TICRR: variants seen among roughly 807,000 people sequenced by gnomAD.
The protein encoded by TICRR is TOPBP1 interacting checkpoint and replication regulator, also known as treslin.
TICRR carries 132 observed loss-of-function variants against 178.1 expected under a neutral mutation model. That is an observed-to-expected ratio of 0.74 (90% CI 0.64 to 0.86). The LOEUF (loss-of-function observed/expected upper bound fraction) is 0.86. Among genes scored for constraint, TICRR ranks in the 40% least tolerant of loss-of-function variants. The pLI is 0.00. For missense variants in TICRR, 2,587 were observed against 2,334.3 expected (o/e 1.11, Z -2.23); for synonymous variants, 991 against 900.7 (o/e 1.10, Z -1.79).
At chr15:89,621,622 G>A in intron 19 of TICRR, 72 bp downstream of exon 19, 1 of 1,320,784 alleles carries the variant, frequency 7.6e-7, no homozygotes, top group Non-Finnish European at 1.0e-6. Context: ...GGAACTCAGA[G>A]TCCATTAGGG....
At chr15:89,595,812 G>A (rs182525074) in intron 7 of TICRR, among the ~76,000 whole-genome samples, 328 of 152,190 alleles carry the variant, frequency 2.2e-3, no homozygotes, top group African/African-American at 7.6e-3. Flanking sequence ...GTGGTGAGCC[G>A]AGATTGCACC....
chr15:89,621,345 A>G, intron 18 of TICRR, 48 bp from the exon 19 acceptor site: 1 of 1,567,302 alleles, frequency 6.4e-7, no homozygotes, highest in East Asian at 2.2e-5. Flanking sequence ...TATTGGAAGA[A>G]CAGGAATTGA....
rs537243846 is a variant in TICRR, at chr15:89,597,754, T to A, written c.1901-1570T>A. Among the ~76,000 whole-genome samples, 217 of 152,302 alleles carry A rather than the reference T, an allele frequency of 1.4e-3. 3 individuals are homozygous for A. Among genetic ancestry groups the A allele is most frequent in the African/African-American group, 4.9e-3 (203 of 41,572 alleles). ...TCGCCTCTTCATATAAACTTTAGAA[T>A]CAGTTTGTCAATATGCAGAAAATAA... On this transcript the variant is annotated intron_variant, in intron 7 of 21. Coordinates refer to ENST00000268138, the MANE Select transcript of TICRR (RefSeq NM_152259.4).
Position 89,601,838 on chromosome 15 carries a change from G to A in TICRR, c.2429G>A (p.Ser810Asn), listed in dbSNP as rs768400988. Residue 810 changes from serine to asparagine, a missense_variant, in exon 12 of 22, where the codon AGT becomes AAT. Ser to Asn is a conservative substitution (Grantham distance 46). Transcript: ENST00000268138. ...GGTGTCCTTCCTACAGATTTTTTCA[G>A]TGATGACTCCATGACACAAGAGAAC... ...LAGVLPTDFFSDDSMTQENKS... is the reference protein window; with the variant it reads ...LAGVLPTDFFNDDSMTQENKS... 6.8e-6 allele frequency: 11 copies of A among 1,613,984 alleles called. No homozygotes were observed. The highest frequency in any genetic ancestry group is 9.3e-6 in the Non-Finnish European group (11 of 1,180,024).
rs1266253196 is a variant in TICRR, at chr15:89,627,140, CA to C, written c.*55del. On this transcript the variant is annotated 3_prime_UTR_variant, in exon 22 of 22. Coordinates refer to ENST00000268138, the MANE Select transcript of TICRR (RefSeq NM_152259.4). ...AAGGAGTCAGCCAGGACCCTGTGGA[CA>C]TAAAGAAGTTGGATGCCTGGTCCCA... 1 of 1,603,420 alleles carries C rather than the reference CA, an allele frequency of 6.2e-7. No homozygotes were observed. Among genetic ancestry groups the C allele is most frequent in the Non-Finnish European group, 8.5e-7 (1 of 1,175,092 alleles).
intron 17 of TICRR, among the ~76,000 whole-genome samples, 177 bp downstream of exon 17, chr15:89,618,387 TG>T (rs1418177160): frequency 6.6e-6 from 1 of 152,236 alleles, no homozygotes; most frequent in African/African-American, 2.4e-5. Context: ...TAGAAGGTAC[TG>T]AGAGAATTCT....
At chr15:89,608,984 G>C in intron 15 of TICRR, 35 bp downstream of exon 15, 3 of 1,553,286 alleles carry the variant, frequency 1.9e-6, no homozygotes, top group Non-Finnish European at 2.6e-6. Flanking sequence ...AAAAAGGAAA[G>C]GGAGATTCTG....
intron 3 of TICRR, among the ~76,000 whole-genome samples, chr15:89,585,119 A>G (rs1334462510): frequency 1.3e-5 from 2 of 152,198 alleles, no homozygotes; most frequent in Admixed American, 6.5e-5. Flanking sequence ...AGGGGTCTCT[A>G]TTCTGGTTCC....
Position 89,595,379 on chromosome 15 carries a change from T to G in TICRR, c.1682-14T>G. 1.3e-6 allele frequency: 2 copies of G among 1,585,484 alleles called. No individual in the cohort carries two copies. The highest frequency in any genetic ancestry group is 1.7e-6 in the Non-Finnish European group (2 of 1,154,034). On this transcript the variant is annotated splice_polypyrimidine_tract_variant and intron_variant, in intron 6 of 21. Coordinates refer to ENST00000268138, the MANE Select transcript of TICRR (RefSeq NM_152259.4). Reference sequence around the variant, plus strand: ...AGGCAATTTACTTTCCCTCCTCTGATGTTGTTTTGGTAGGAGGGGTCCCTC... The same window carrying G: ...AGGCAATTTACTTTCCCTCCTCTGAGGTTGTTTTGGTAGGAGGGGTCCCTC...
intron 15 of TICRR, 149 bp downstream of exon 15, chr15:89,609,098 A>ATAT: frequency 1.8e-5 from 3 of 167,354 alleles, no homozygotes; most frequent in Non-Finnish European, 2.0e-5. Context: ...AATTTTGTTA[A>ATAT]TCTTTTTTTT....
At chr15:89,595,201 C>T (rs994457841) in intron 6 of TICRR, among the ~76,000 whole-genome samples, 192 bp from the exon 7 acceptor site, 4 of 152,080 alleles carry the variant, frequency 2.6e-5, no homozygotes, top group Non-Finnish European at 5.9e-5. Flanking sequence ...TCCTAAACTT[C>T]GGTTAAAAGA....
chr15:89,619,606 T>G, intron 17 of TICRR, 102 bp from the exon 18 acceptor site: 2 of 1,248,752 alleles, frequency 1.6e-6, no homozygotes, highest in Non-Finnish European at 2.2e-6. Context: ...AATTTCCATC[T>G]TATATGTGGT....
intron 7 of TICRR, among the ~76,000 whole-genome samples, chr15:89,598,609 C>A (rs924587168): frequency 3.8e-4 from 58 of 152,182 alleles, no homozygotes; most frequent in African/African-American, 1.4e-3. Context: ...GGTGATCCAC[C>A]CACCTCGGCC....
rs560490827 is a variant in TICRR at position 89,627,105 on chromosome 15, C to A, written c.*19C>A. On this transcript the variant is annotated 3_prime_UTR_variant, in exon 22 of 22. Transcript: ENST00000268138. ...CTTATAGCCACAAACATTACTGAGC[C>A]CAAAAGATCAAGGAGTCAGCCAGGA... The A allele has an allele frequency of 1.9e-6, 3 of 1,613,510 alleles. No homozygotes were observed. In the South Asian group the frequency reaches 3.3e-5, roughly 18 times the overall value.
intron 14 of TICRR, 60 bp downstream of exon 14, chr15:89,606,885 T>G (rs1309420658): frequency 1.4e-6 from 2 of 1,474,282 alleles, no homozygotes; most frequent in Non-Finnish European, 1.9e-6. Context: ...ATTTTTATTG[T>G]ATGTATTTAA....
In TICRR at chr15:89,623,965, A is replaced by G; in HGVS notation, c.3655A>G (p.Ser1219Gly). The G allele has an allele frequency of 6.2e-7, 1 of 1,614,012 alleles. No individual in the cohort carries two copies. The highest frequency in any genetic ancestry group is 1.1e-5 in the South Asian group (1 of 91,076). ...TACTTGGCCACATTCAGTGAATTCC[A>G]GTCCAGAAAGCCCCTCCTGTCCAGC... is the stretch of plus-strand genomic sequence containing the variant. The part of the protein sequence containing the change: ...NCTWPHSVNS[S>G]PESPSCPAPP... The change falls in exon 20 of 22, where the codon AGT (serine) becomes GGT (glycine). Residue 1219 changes from serine (S) to glycine (G), a missense_variant. By Grantham distance (56) the Ser-to-Gly change is moderately conservative. Coordinates refer to ENST00000268138, the MANE Select transcript of TICRR (RefSeq NM_152259.4).
intron 15 of TICRR, among the ~76,000 whole-genome samples, chr15:89,615,390 G>A (rs1351284163): frequency 6.6e-6 from 1 of 152,158 alleles, no homozygotes; most frequent in Non-Finnish European, 1.5e-5. Context: ...GGTTTTCACT[G>A]TGATTGTGGG....
Position 89,624,536 on chromosome 15 carries a change from G to A in TICRR, c.4226G>A (p.Gly1409Asp). ...GATGCCTCCGCTACTCCTGGGGTTG[G>A]CACAGCTGACAGCCCAGCTGCCCCC... ...QPDASATPGV[G>D]TADSPAAPTD... Residue 1409 changes from glycine to aspartate, a missense_variant, in exon 20 of 22, where the codon GGC becomes GAC. Coordinates refer to ENST00000268138, the MANE Select transcript of TICRR (RefSeq NM_152259.4). 1.9e-6 allele frequency: 3 copies of A among 1,613,820 alleles called. No homozygotes were observed. The highest frequency in any genetic ancestry group is 2.5e-6 in the Non-Finnish European group (3 of 1,179,900).
Position 89,624,718 on chromosome 15 carries a change from GC to G in TICRR, c.4410del (p.Glu1471AsnfsTer8), listed in dbSNP as rs774328817. ...AGAGCATGTCACTCTCCTCAGTGAA[GC>G]CGAACACCATGGCATTGGTGACTTG... The part of the protein sequence containing the change: ...DTEHVTLLSE[A>X]EHHGIGDLKS... On this transcript the variant is annotated frameshift_variant, in exon 20 of 22. Coordinates refer to ENST00000268138, the MANE Select transcript of TICRR (RefSeq NM_152259.4). LOFTEE classifies it high-confidence loss of function. The G allele has an allele frequency of 6.2e-7, 1 of 1,614,034 alleles. No homozygotes were observed. The highest frequency in any genetic ancestry group is 1.3e-5 in the African/African-American group (1 of 74,930).
Sources: allele counts gnomAD v4.1 joint callset (sites outside exome capture counted in the v4.1 genomes callset), GRCh38; gene constraint gnomAD v4.1.1; transcripts MANE v1.5; gene names NCBI Gene and HGNC (gene_info 2026-07-23, HGNC 2026-07-21).